Variants in THSD7B observed in about 807,000 individuals in gnomAD.
THSD7B encodes the protein thrombospondin type 1 domain containing 7B.
A neutral mutation model predicts 213.6 loss-of-function variants in THSD7B; 138 were observed. That is an observed-to-expected ratio of 0.65 (90% confidence interval 0.56 to 0.74). The LOEUF (loss-of-function observed/expected upper bound fraction) is 0.74. Ranked by LOEUF, THSD7B falls within the 30% of genes least tolerant of loss-of-function variation. The probability of loss-of-function intolerance (pLI) is 0.00; values close to 1 mark genes in which losing one functional copy is unlikely to be tolerated. For synonymous variants in THSD7B, 742 were observed against 687.0 expected (o/e 1.08, Z -1.25); for missense variants, 1,931 against 1,991.5 (o/e 0.97, Z 0.58).
chr2:137,111,995 G>A lies in THSD7B; in HGVS notation c.1200-3129G>A, dbSNP rs115819057. ...TGAAAAGGTCTGGTCTTTGACATGG[G>A]CTTAGCCATTAAAGAGAGTGTTCCA... On this transcript the variant is annotated intron_variant, in intron 4 of 27. Coordinates refer to ENST00000409968, the MANE Select transcript of THSD7B (RefSeq NM_001316349.2). 8.5e-3 allele frequency among the ~76,000 whole-genome samples: 1,298 copies of A among 152,276 alleles called. 16 individuals are homozygous for A. Among genetic ancestry groups the A allele is most frequent in the African/African-American group, 0.03 (1,243 of 41,560 alleles).
intron 15 of THSD7B, among the ~76,000 whole-genome samples, chr2:137,482,165 G>A (rs1043319162): frequency 2.1e-5 from 3 of 140,176 alleles, no homozygotes; most frequent in African/African-American, 8.1e-5. Context: ...GGGTGGCAGA[G>A]CAAGACTCCG....
chr2:137,347,217 C>T (rs545083898), intron 12 of THSD7B, among the ~76,000 whole-genome samples: 1 of 151,740 alleles, frequency 6.6e-6, no homozygotes, highest in Admixed American at 6.6e-5. Flanking sequence ...TGTAAAACTA[C>T]AGGAGCAGAA....
intron 12 of THSD7B, among the ~76,000 whole-genome samples, chr2:137,336,393 A>G (rs1684639783): frequency 6.6e-6 from 1 of 152,150 alleles, no homozygotes; most frequent in Non-Finnish European, 1.5e-5. Context: ...TCAACTCCTC[A>G]TGCAATATAT....
intron 14 of THSD7B, among the ~76,000 whole-genome samples, chr2:137,421,830 AT>A (rs750042870): frequency 1.1e-3 from 162 of 152,320 alleles, no homozygotes; most frequent in Non-Finnish European, 2.1e-3. Flanking sequence ...GTAACAAAAG[AT>A]TGTATCAAGG....
chr2:137,530,348 A>G (rs1680373917), intron 15 of THSD7B, among the ~76,000 whole-genome samples: 1 of 151,996 alleles, frequency 6.6e-6, no homozygotes, highest in Admixed American at 6.6e-5. Context: ...TGCATGACAT[A>G]GCTAAATGAC....
intron 6 of THSD7B, 94 bp downstream of exon 6, chr2:137,160,462 ATTTG>A: frequency 6.8e-7 from 1 of 1,465,052 alleles, no homozygotes; most frequent in South Asian, 1.4e-5. Context: ...TTAAGACAAT[ATTTG>A]TTTGTAAAAT....
At chr2:136,811,294 G>A (rs1023346979) in intron 1 of THSD7B, among the ~76,000 whole-genome samples, 1 of 152,078 alleles carries the variant, frequency 6.6e-6, no homozygotes, top group Non-Finnish European at 1.5e-5. Flanking sequence ...GATGTAGGGA[G>A]TAGCATTTTT....
At chr2:137,570,907 C>T (rs1036379701) in intron 16 of THSD7B, among the ~76,000 whole-genome samples, 1 of 152,042 alleles carries the variant, frequency 6.6e-6, no homozygotes, top group Non-Finnish European at 1.5e-5. Flanking sequence ...CAACAGCTAG[C>T]AAAAGATATT....
chr2:137,100,348 T>C (rs1688126002), intron 4 of THSD7B, among the ~76,000 whole-genome samples: 1 of 152,090 alleles, frequency 6.6e-6, no homozygotes, highest in Admixed American at 6.6e-5. Flanking sequence ...CTGTGTTCAC[T>C]TAGGTTATTT....
chr2:137,286,910 A>G (rs1393959630), intron 12 of THSD7B, among the ~76,000 whole-genome samples: 1 of 152,152 alleles, frequency 6.6e-6, no homozygotes, highest in Non-Finnish European at 1.5e-5. Context: ...GTGTTTTCTC[A>G]TGGACTTGAA....
At chr2:137,167,686 A>G (rs1680164003) in intron 6 of THSD7B, among the ~76,000 whole-genome samples, 1 of 152,188 alleles carries the variant, frequency 6.6e-6, no homozygotes, top group Non-Finnish European at 1.5e-5. Flanking sequence ...GTAGAATTAT[A>G]CACTAAATAT....
chr2:136,803,823 C>T (rs950251529), intron 1 of THSD7B, among the ~76,000 whole-genome samples: 1 of 152,136 alleles, frequency 6.6e-6, no homozygotes, highest in Non-Finnish European at 1.5e-5. Context: ...CTCAAACACC[C>T]AAGAACCAGG....
At chr2:137,445,988 C>G (rs1573629995) in intron 14 of THSD7B, among the ~76,000 whole-genome samples, 1 of 151,280 alleles carries the variant, frequency 6.6e-6, no homozygotes, top group East Asian at 1.9e-4. Flanking sequence ...TTTTAACTCA[C>G]AAGATTCTCC....
chr2:137,211,005 T>C (rs1253476889), intron 7 of THSD7B, among the ~76,000 whole-genome samples: 1 of 152,144 alleles, frequency 6.6e-6, no homozygotes, highest in East Asian at 1.9e-4. Context: ...TTCTGTTGAT[T>C]GCAGGAACAT....
intron 20 of THSD7B, among the ~76,000 whole-genome samples, chr2:137,628,200 C>G (rs1682669858): frequency 1.3e-5 from 2 of 152,160 alleles, no homozygotes; most frequent in African/African-American, 4.8e-5. Context: ...TCCGTAGGAT[C>G]TTTTAAAAAT....
rs570934723 is a variant in THSD7B, at chr2:136,983,949, C to G, written c.140-72471C>G. 5.3e-5 allele frequency among the ~76,000 whole-genome samples: 8 copies of G among 152,262 alleles called. No individual in the cohort carries two copies. The East Asian group carries it at 9.7e-4, about 18-fold the overall frequency. On this transcript the variant is annotated intron_variant, in intron 2 of 27. Transcript: ENST00000409968. The stretch of plus-strand genomic sequence containing the variant: ...CAGTAAAGATTCACTGATCACTAGT[C>G]TATAGACTGAAGTGTTTTACAAGAA...
chr2:137,497,922 T>G lies in THSD7B; in HGVS notation c.3138+46899T>G, dbSNP rs762679069. On this transcript the variant is annotated intron_variant, in intron 15 of 27. Coordinates refer to ENST00000409968, the MANE Select transcript of THSD7B (RefSeq NM_001316349.2). ...AAACCCCAAGGAAATATTTTTCTAT[T>G]AAAATGAAGCGAAGTGTAACCTTCC... 2.2e-4 allele frequency among the ~76,000 whole-genome samples: 34 copies of G among 152,316 alleles called. 1 individual carries two copies. Among genetic ancestry groups the G allele is most frequent in the Middle Eastern group, 3.4e-3 (1 of 294 alleles).
At chr2:137,367,279 G>A (rs2104944743) in intron 12 of THSD7B, among the ~76,000 whole-genome samples, 1 of 152,164 alleles carries the variant, frequency 6.6e-6, no homozygotes, top group South Asian at 2.1e-4. Context: ...CTTAGCATGG[G>A]CAAGTCACCC....
At chr2:137,655,412 A>G (rs748879730) in intron 21 of THSD7B, 89 bp from the exon 22 acceptor site, 5 of 1,389,638 alleles carry the variant, frequency 3.6e-6, no homozygotes, top group Non-Finnish European at 4.9e-6. Flanking sequence ...ATATGCAACT[A>G]TGGTCTTCTT....
Sources: gnomAD v4.1 joint callset for allele counts (sites outside exome capture counted in the v4.1 genomes callset) on GRCh38, gnomAD v4.1.1 for gene constraint, MANE v1.5 for transcripts, NCBI Gene and HGNC (gene_info 2026-07-23, HGNC 2026-07-21) for gene names.